TTC7B: variants seen among roughly 807,000 people sequenced by gnomAD.
TTC7B encodes the protein tetratricopeptide repeat domain 7B, also known as tetratricopeptide repeat protein 7B.
Under a neutral mutation model 106.8 loss-of-function variants are expected in TTC7B, and 28 were observed. The observed-to-expected ratio is 0.26, with a 90% CI of 0.19 to 0.36. TTC7B has a LOEUF of 0.36. Among genes scored for constraint, TTC7B ranks in the 10% least tolerant of loss-of-function variants. The pLI, the probability that TTC7B is intolerant of heterozygous loss-of-function variation, is 1.00. For missense variants in TTC7B, 862 were observed against 1,076.4 expected (o/e 0.80, Z 2.79); for synonymous variants, 405 against 430.6 (o/e 0.94, Z 0.74).
chr14:90,753,675 A>G (rs796637959), intron 3 of TTC7B, among the ~76,000 whole-genome samples: 8 of 152,322 alleles, frequency 5.3e-5, no homozygotes, highest in African/African-American at 1.9e-4. Flanking sequence ...AATCCAGAGC[A>G]TCTATGATTT....
chr14:90,649,436 C>T (rs532696304), intron 13 of TTC7B, among the ~76,000 whole-genome samples: 2 of 152,246 alleles, frequency 1.3e-5, no homozygotes, highest in South Asian at 2.1e-4. Context: ...ACAGGCAACT[C>T]GCCGGACAGA....
At chr14:90,651,782 G>T (rs1401655893) in intron 13 of TTC7B, among the ~76,000 whole-genome samples, 1 of 152,164 alleles carries the variant, frequency 6.6e-6, no homozygotes, top group African/African-American at 2.4e-5. Context: ...AAATGAGACG[G>T]AAGAGTTTCA....
In TTC7B at chr14:90,695,592, G is replaced by A; in HGVS notation, c.699-14C>T. 1.3e-6 allele frequency: 2 copies of A among 1,567,008 alleles called. No individual in the cohort carries two copies. The highest frequency in any genetic ancestry group is 1.7e-6 in the Non-Finnish European group (2 of 1,153,460). Reference sequence around the variant, plus strand: ...CTTGTCAAGTTCCTGTGTGGACACAGAATTTGACGGTTTTCATCTGGCATG... The same window carrying A: ...CTTGTCAAGTTCCTGTGTGGACACAAAATTTGACGGTTTTCATCTGGCATG... On this transcript the variant is annotated splice_polypyrimidine_tract_variant and intron_variant, in intron 5 of 19. Coordinates refer to ENST00000328459, the MANE Select transcript of TTC7B (RefSeq NM_001010854.2).
chr14:90,550,202 T>G (rs1008736726), intron 19 of TTC7B, among the ~76,000 whole-genome samples: 2 of 152,170 alleles, frequency 1.3e-5, no homozygotes, highest in African/African-American at 4.8e-5. Context: ...AACTGCAGCT[T>G]TGACGGGACA....
In TTC7B at chr14:90,530,199, T is replaced by C. The variant is rs1294554; in HGVS notation, c.*11169A>G. 104,703 of 151,950 alleles carry C rather than the reference T, an allele frequency of 0.69. 36,175 individuals carry two copies. The highest frequency in any genetic ancestry group is 0.74 in the South Asian group (3,535 of 4,802). 9.4% of individuals were successfully genotyped at this position (151,950 alleles called of 1,614,324 possible). On this transcript the variant is annotated 3_prime_UTR_variant, in exon 20 of 20. Transcript: ENST00000328459. ...AGGAGAATCACTTGAACCCGGGAGGTGGAGGTTGCAGTGAGCCGAGATCGC... is the reference window on the plus strand; with the variant it reads ...AGGAGAATCACTTGAACCCGGGAGGCGGAGGTTGCAGTGAGCCGAGATCGC...
At chr14:90,556,546 G>A (rs1011515656) in intron 19 of TTC7B, among the ~76,000 whole-genome samples, 1 of 152,136 alleles carries the variant, frequency 6.6e-6, no homozygotes, top group Non-Finnish European at 1.5e-5. Flanking sequence ...ACATTTCCCT[G>A]GTTGACTTAT....
intron 1 of TTC7B, among the ~76,000 whole-genome samples, chr14:90,804,520 TC>T (rs2030487349): frequency 6.6e-6 from 1 of 152,068 alleles, no homozygotes; most frequent in Non-Finnish European, 1.5e-5. Flanking sequence ...GGCAGGAGTT[TC>T]CCAGGTGTGA....
At chr14:90,779,506 T>C (rs935768846) in intron 3 of TTC7B, among the ~76,000 whole-genome samples, 4 of 152,194 alleles carry the variant, frequency 2.6e-5, no homozygotes, top group Non-Finnish European at 5.9e-5. Flanking sequence ...GGTTTCACCA[T>C]GTTGGCCAGG....
At chr14:90,576,156 T>C (rs779545388) in intron 19 of TTC7B, among the ~76,000 whole-genome samples, 2 of 152,162 alleles carry the variant, frequency 1.3e-5, no homozygotes, top group Non-Finnish European at 2.9e-5. Flanking sequence ...CCCTTGGGGA[T>C]GAACAAGAAA....
chr14:90,775,407 C>T (rs759697636), intron 3 of TTC7B, among the ~76,000 whole-genome samples: 49 of 152,238 alleles, frequency 3.2e-4, no homozygotes, highest in Admixed American at 2.0e-4. Flanking sequence ...AAATAATTTG[C>T]CCAAGACCCT....
rs763673157 is a variant in TTC7B, at chr14:90,528,850, C to T, written c.*12518G>A. On this transcript the variant is annotated 3_prime_UTR_variant, in exon 20 of 20. Transcript: ENST00000328459. ...TGTTTCTGATGGTGTGACATGACTG[C>T]GCTTCGTTACCCATTTCCGATGGTG... is the stretch of plus-strand genomic sequence containing the variant. 2.7e-5 allele frequency: 4 copies of T among 149,208 alleles called. No homozygotes were observed. The highest frequency in any genetic ancestry group is 4.4e-5 in the Non-Finnish European group (3 of 67,856). 9.2% of individuals were successfully genotyped at this position (149,208 alleles called of 1,614,324 possible).
chr14:90,736,007 T>G (rs1889508240), intron 4 of TTC7B, among the ~76,000 whole-genome samples: 1 of 152,162 alleles, frequency 6.6e-6, no homozygotes, highest in African/African-American at 2.4e-5. Flanking sequence ...CAGTGTCATG[T>G]TGGTACAACA....
intron 14 of TTC7B, chr14:90,644,930 G>A (rs182510694): frequency 1.3e-5 from 2 of 152,334 alleles, no homozygotes; most frequent in East Asian, 3.9e-4. Context: ...ACCTTTCAGT[G>A]CAACAGCTGT....
intron 5 of TTC7B, among the ~76,000 whole-genome samples, chr14:90,703,365 G>C (rs776236886): frequency 3.3e-5 from 5 of 152,150 alleles, no homozygotes; most frequent in Admixed American, 6.5e-5. Context: ...CCCTCGACTG[G>C]GCTATGGAGA....
chr14:90,792,297 C>T (rs72695549), intron 1 of TTC7B, among the ~76,000 whole-genome samples: 6,467 of 152,196 alleles, frequency 0.042, 193 homozygotes, highest in Non-Finnish European at 0.058. Flanking sequence ...CAACTGGGGG[C>T]AGGGTGCGGT....
intron 3 of TTC7B, among the ~76,000 whole-genome samples, chr14:90,779,346 C>G (rs1380989764): frequency 6.6e-6 from 1 of 152,176 alleles, no homozygotes; most frequent in African/African-American, 2.4e-5. Flanking sequence ...TCTTGTCGCA[C>G]AGGCTGGAGT....
intron 15 of TTC7B, among the ~76,000 whole-genome samples, chr14:90,635,332 G>A (rs961701309): frequency 3.9e-5 from 6 of 152,012 alleles, no homozygotes; most frequent in African/African-American, 9.7e-5. Flanking sequence ...GAGAGGATAC[G>A]ATATGGAACA....
At chr14:90,660,334 G>A (rs142004607) in intron 9 of TTC7B, among the ~76,000 whole-genome samples, 3 of 138,634 alleles carry the variant, frequency 2.2e-5, no homozygotes, top group Admixed American at 7.8e-5. Flanking sequence ...AGGCTGCAGC[G>A]AGCTGTGATC....
At chr14:90,615,178 AT>A (rs1255518917) in intron 16 of TTC7B, among the ~76,000 whole-genome samples, 4 of 152,108 alleles carry the variant, frequency 2.6e-5, no homozygotes, top group South Asian at 2.1e-4. Flanking sequence ...GCTCAGTGTA[AT>A]TTTTTTCCCC....
Sources: gnomAD v4.1 joint callset for allele counts (sites outside exome capture counted in the v4.1 genomes callset) on GRCh38, gnomAD v4.1.1 for gene constraint, MANE v1.5 for transcripts, NCBI Gene and HGNC (gene_info 2026-07-23, HGNC 2026-07-21) for gene names.